The following MAGI2 variants were observed in gnomAD, a reference collection of about 807,000 sequenced individuals.
MAGI2 encodes membrane associated guanylate kinase, WW and PDZ domain containing 2.
In MAGI2, 35 loss-of-function variants were observed where a neutral mutation model predicts 133.3. The ratio of observed to expected loss-of-function variants is 0.26; its 90% CI spans 0.20 to 0.35. The LOEUF (loss-of-function observed/expected upper bound fraction) is 0.35, where lower values mean the gene tolerates loss of function less well. Ranked by LOEUF, MAGI2 falls within the 10% of genes least tolerant of loss-of-function variation. The pLI is 1.00. For missense variants in MAGI2, 1,636 were observed against 1,863.4 expected (o/e 0.88, Z 2.25); for synonymous variants, 729 against 710.6 (o/e 1.03, Z -0.41).
intron 21 of MAGI2, among the ~76,000 whole-genome samples, chr7:78,058,601 A>G (rs1394180846): frequency 2.0e-5 from 3 of 151,638 alleles, no homozygotes; most frequent in African/African-American, 7.3e-5. Flanking sequence ...CCTCCTGGGT[A>G]GCTGGGACTA....
chr7:79,173,975 GT>G (rs928922361), intron 1 of MAGI2, among the ~76,000 whole-genome samples: 4 of 151,000 alleles, frequency 2.6e-5, no homozygotes, highest in Admixed American at 6.6e-5. Flanking sequence ...ACCACAGGCA[GT>G]TTTTTTTTAT....
chr7:78,172,701 C>T (rs1826229961), intron 14 of MAGI2, among the ~76,000 whole-genome samples: 1 of 152,182 alleles, frequency 6.6e-6, no homozygotes, highest in South Asian at 2.1e-4. Flanking sequence ...TATACAGAGG[C>T]AGAAACCCAT....
rs142124804 is a variant in MAGI2, at chr7:78,849,683, A to G, written c.418+157407T>C. Among the ~76,000 whole-genome samples, 1,169 of 152,188 alleles carry G rather than the reference A, an allele frequency of 7.7e-3. 17 individuals are homozygous for G. Among genetic ancestry groups the G allele is most frequent in the African/African-American group, 0.026 (1,074 of 41,540 alleles). ...AGATTTCCTCAAAACATTCTCAAAC[A>G]CTAGTCTTATCAATTGTGAAAATGA... On this transcript the variant is annotated intron_variant, in intron 2 of 21. Transcript: ENST00000354212.
At chr7:79,003,953 A>G (rs1237046791) in intron 2 of MAGI2, among the ~76,000 whole-genome samples, 2 of 152,192 alleles carry the variant, frequency 1.3e-5, no homozygotes, top group African/African-American at 2.4e-5. Flanking sequence ...CAAAAATAAC[A>G]AATGCTGGTG....
At chr7:79,161,635 C>T (rs943130260) in intron 1 of MAGI2, among the ~76,000 whole-genome samples, 1 of 152,038 alleles carries the variant, frequency 6.6e-6, no homozygotes, top group Admixed American at 6.6e-5. Flanking sequence ...AGACAGCTCT[C>T]CTGAGCTGTT....
chr7:79,451,646 T>C (rs995248599), intron 1 of MAGI2, among the ~76,000 whole-genome samples: 3 of 152,220 alleles, frequency 2.0e-5, no homozygotes, highest in Non-Finnish European at 4.4e-5. Flanking sequence ...TCTTGTTTAT[T>C]TTAAAACAAG....
intron 1 of MAGI2, among the ~76,000 whole-genome samples, chr7:79,348,374 T>G (rs781695736): frequency 3.9e-5 from 6 of 151,916 alleles, no homozygotes; most frequent in Non-Finnish European, 2.9e-5. Flanking sequence ...GACCATTTAA[T>G]GTGTATATAA....
intron 6 of MAGI2, among the ~76,000 whole-genome samples, chr7:78,436,556 T>A (rs911814724): frequency 9.9e-5 from 15 of 152,156 alleles, no homozygotes; most frequent in Non-Finnish European, 1.5e-4. Flanking sequence ...AAATAAATTT[T>A]AAAAACCCAA....
chr7:78,032,482 T>C (rs1488871440), intron 21 of MAGI2, among the ~76,000 whole-genome samples: 1 of 152,198 alleles, frequency 6.6e-6, no homozygotes, highest in Non-Finnish European at 1.5e-5. Context: ...CCCAAAGTGC[T>C]GGGATTACAT....
chr7:78,196,790 T>C (rs746940461), intron 11 of MAGI2, among the ~76,000 whole-genome samples: 5 of 152,366 alleles, frequency 3.3e-5, no homozygotes, highest in Middle Eastern at 3.4e-3. Flanking sequence ...TAATTTGTTT[T>C]CTATGTGGGC....
At chr7:78,493,050 A>G (rs1462830332) in intron 5 of MAGI2, among the ~76,000 whole-genome samples, 1 of 152,192 alleles carries the variant, frequency 6.6e-6, no homozygotes, top group Non-Finnish European at 1.5e-5. Flanking sequence ...AAAACCAGAA[A>G]CAATGGTTTA....
intron 2 of MAGI2, among the ~76,000 whole-genome samples, chr7:78,643,306 G>A (rs1810501292): frequency 6.6e-6 from 1 of 152,166 alleles, no homozygotes. Flanking sequence ...GTCCAAACTT[G>A]TTGAATTAGG....
chr7:78,866,584 G>C (rs993759056), intron 2 of MAGI2, among the ~76,000 whole-genome samples: 1 of 151,940 alleles, frequency 6.6e-6, no homozygotes, highest in Non-Finnish European at 1.5e-5. Context: ...GGTCCTGCTA[G>C]TTTCCTGCTT....
intron 2 of MAGI2, among the ~76,000 whole-genome samples, chr7:78,770,529 T>G (rs537246672): frequency 7.2e-5 from 11 of 152,342 alleles, no homozygotes; most frequent in African/African-American, 2.4e-4. Context: ...ATCATGCATT[T>G]GCAGCTTTCT....
chr7:78,812,194 A>G (rs920329132), intron 2 of MAGI2, among the ~76,000 whole-genome samples: 1 of 152,188 alleles, frequency 6.6e-6, no homozygotes, highest in Non-Finnish European at 1.5e-5. Flanking sequence ...AACCCATGTC[A>G]CACCTCTAAA....
chr7:78,589,288 T>G (rs900775042), intron 3 of MAGI2, among the ~76,000 whole-genome samples: 8 of 152,194 alleles, frequency 5.3e-5, no homozygotes, highest in African/African-American at 1.9e-4. Flanking sequence ...TTACATAAAT[T>G]AACTCACAAA....
At chr7:78,815,030 A>AT (rs1328471839) in intron 2 of MAGI2, among the ~76,000 whole-genome samples, 1 of 152,008 alleles carries the variant, frequency 6.6e-6, no homozygotes, top group African/African-American at 2.4e-5. Flanking sequence ...ACCCAGCCTG[A>AT]TTTTCTATCA....
At chr7:78,379,936 C>T (rs994649830) in intron 6 of MAGI2, among the ~76,000 whole-genome samples, 1 of 151,874 alleles carries the variant, frequency 6.6e-6, no homozygotes, top group Non-Finnish European at 1.5e-5. Context: ...TGAAATAACT[C>T]TTGGTCCAAA....
intron 2 of MAGI2, among the ~76,000 whole-genome samples, chr7:78,749,025 T>G (rs1020617286): frequency 1.3e-5 from 2 of 152,204 alleles, no homozygotes; most frequent in African/African-American, 2.4e-5. Flanking sequence ...AAACCTATTT[T>G]TAAGGCATGG....
Sources: allele counts gnomAD v4.1 joint callset (sites outside exome capture counted in the v4.1 genomes callset), GRCh38; gene constraint gnomAD v4.1.1; transcripts MANE v1.5; gene names NCBI Gene and HGNC (gene_info 2026-07-23, HGNC 2026-07-21).